MS4A14: variants seen among roughly 807,000 people sequenced by gnomAD.
MS4A14 encodes the protein membrane-spanning 4-domains subfamily A member 14.
MS4A14 carries 18 observed loss-of-function variants against 16.7 expected under a neutral mutation model. That is an observed-to-expected ratio of 1.08 (90% CI 0.75 to 1.60). The LOEUF (loss-of-function observed/expected upper bound fraction) is 1.60, where lower values mean the gene tolerates loss of function less well. Among genes scored for constraint, MS4A14 ranks in the 40% most tolerant of loss-of-function variants. The probability of loss-of-function intolerance (pLI) is 0.00; values close to 1 mark genes in which losing one functional copy is unlikely to be tolerated. For missense variants in MS4A14, 812 were observed against 775.3 expected, an observed-to-expected ratio of 1.05 and a Z score of -0.56; for synonymous variants, 305 against 289.4, an observed-to-expected ratio of 1.05 and a Z score of -0.55.
chr11:60,403,708 T>C (rs1205251201), intron 4 of MS4A14, among the ~76,000 whole-genome samples: 11 of 152,200 alleles, frequency 7.2e-5, no homozygotes, highest in Admixed American at 7.2e-4. Context: ...TTTTTAAGCA[T>C]GTCAGTGACT....
chr11:60,404,469 T>C (rs2085758804), intron 4 of MS4A14: 3 of 443,998 alleles, frequency 6.8e-6, no homozygotes, highest in Middle Eastern at 3.4e-4. Flanking sequence ...AAACGTATGA[T>C]GATTAAGACC....
At chr11:60,409,624 T>C (rs1401900847) in intron 4 of MS4A14, among the ~76,000 whole-genome samples, 1 of 150,770 alleles carries the variant, frequency 6.6e-6, no homozygotes, top group African/African-American at 2.4e-5. Flanking sequence ...TATGTGTAGA[T>C]AGGCATTTAG....
rs1304441515 is a variant in MS4A14 at position 60,416,640 on chromosome 11, A to G, written c.1672A>G (p.Lys558Glu). The G allele has an allele frequency of 5.6e-6, 9 of 1,613,762 alleles. No individual in the cohort carries two copies. The highest frequency in any genetic ancestry group is 1.7e-5 in the Admixed American group (1 of 59,904). Residue 558 changes from lysine (K) to glutamate (E), a missense_variant, in exon 5 of 5, where the codon AAA (lysine) becomes GAA (glutamate). Lys to Glu is a moderately conservative substitution (Grantham distance 56). Transcript: ENST00000300187. ...TAAGCAAGCTCAACTTAATCAAACT[A>G]AAGAGCAACTCCCAGATCAGCAAGC... Reference protein sequence around the residue: ...VDKQAQLNQTKEQLPDQQAED... With the variant: ...VDKQAQLNQTEEQLPDQQAED...
intron 1 of MS4A14, 96 bp downstream of exon 1, chr11:60,396,812 G>C: frequency 7.7e-7 from 1 of 1,290,604 alleles, no homozygotes; most frequent in South Asian, 1.6e-5. Context: ...TTATTTTCAG[G>C]GAGGGAGTTA....
chr11:60,406,394 G>A (rs2085786632), intron 4 of MS4A14, among the ~76,000 whole-genome samples: 1 of 152,170 alleles, frequency 6.6e-6, no homozygotes, highest in Admixed American at 6.5e-5. Context: ...ATACTACATA[G>A]TATTTATAAT....
chr11:60,416,739 A>G lies in MS4A14; in HGVS notation c.1771A>G (p.Thr591Ala). 1 of 1,613,694 alleles carries G rather than the reference A, an allele frequency of 6.2e-7. No individual in the cohort carries two copies. The highest frequency in any genetic ancestry group is 1.1e-5 in the South Asian group (1 of 91,064). ...SKDGQVKDQQ[T>A]DKEQNSKKQT... Reference sequence around the variant, plus strand: ...AGATGGACAAGTTAAAGACCAGCAGACTGATAAGGAGCAAAACTCAAAGAA... The same window carrying G: ...AGATGGACAAGTTAAAGACCAGCAGGCTGATAAGGAGCAAAACTCAAAGAA... The change falls in exon 5 of 5, where the codon ACT becomes GCT. Residue 591 changes from threonine to alanine, a missense_variant. Physicochemically the swap from Thr to Ala is moderately conservative, Grantham distance 58 (BLOSUM62 0). Transcript: ENST00000300187.
At position 60,416,208 on chromosome 11, in the gene MS4A14, G is replaced by A. The variant is rs2085940605; in HGVS notation, c.1240G>A (p.Ala414Thr). 6.2e-7 allele frequency: 1 copy of A among 1,613,828 alleles called. No homozygotes were observed. Among genetic ancestry groups the A allele is most frequent in the Non-Finnish European group, 8.5e-7 (1 of 1,179,936 alleles). Residue 414 changes from alanine (A) to threonine (T), a missense_variant, in exon 5 of 5, where the codon GCC (alanine) becomes ACC (threonine). Coordinates refer to ENST00000300187, the MANE Select transcript of MS4A14 (RefSeq NM_032597.5). The part of the protein sequence containing the change: ...DMLSQALSAH[A>T]ILPEASTSHI... ...GCTATCCCAAGCTCTATCAGCGCAT[G>A]CCATATTACCTGAAGCCTCAACATC...
At chr11:60,398,198 T>A in intron 2 of MS4A14, 9 of 417,042 alleles carry the variant, frequency 2.2e-5, no homozygotes. Flanking sequence ...TCCAAAGCCC[T>A]TGTGTGTATA....
rs144301602 is a variant in MS4A14 at position 60,416,148 on chromosome 11, G to A, written c.1180G>A (p.Ala394Thr). The change falls in exon 5 of 5, where the codon GCC (alanine) becomes ACC (threonine). Residue 394 changes from alanine (A) to threonine (T), a missense_variant. Ala to Thr is a moderately conservative substitution (Grantham distance 58). Coordinates refer to ENST00000300187, the MANE Select transcript of MS4A14 (RefSeq NM_032597.5). ...DMLSQDTPSH[A>T]MPPQDIPSQD... ...GCTATCTCAAGACACACCATCCCAC[G>A]CCATGCCACCTCAAGACATACCTTC... The A allele has an allele frequency of 3.5e-4, 565 of 1,612,018 alleles. 4 individuals are homozygous for A. The South Asian group carries it at 5.2e-3, about 15-fold the overall frequency.
At chr11:60,408,969 A>C (rs919903598) in intron 4 of MS4A14, among the ~76,000 whole-genome samples, 6 of 151,958 alleles carry the variant, frequency 3.9e-5, no homozygotes, top group African/African-American at 1.4e-4. Flanking sequence ...ATACCAACCA[A>C]CAGGGGAAAA....
At chr11:60,410,537 T>A (rs2085853259) in intron 4 of MS4A14, among the ~76,000 whole-genome samples, 1 of 152,222 alleles carries the variant, frequency 6.6e-6, no homozygotes, top group Non-Finnish European at 1.5e-5. Context: ...CATGAAGATA[T>A]CTTCCAACTT....
Position 60,416,325 on chromosome 11 carries a change from T to C in MS4A14, c.1357T>C (p.Leu453=). ...CACTGAACCTCAAAACCAGCAAATT[T>C]TACAAATGTCATATCAAGATATTAG... ...ENTEPQNQQI[L]QMSYQDIRSE... Residue 453 remains leucine (L), a synonymous_variant, in exon 5 of 5, where the codon TTA becomes CTA. Coordinates refer to ENST00000300187, the MANE Select transcript of MS4A14 (RefSeq NM_032597.5). 6.2e-7 allele frequency: 1 copy of C among 1,613,906 alleles called. No individual in the cohort carries two copies. The highest frequency in any genetic ancestry group is 8.5e-7 in the Non-Finnish European group (1 of 1,179,956).
chr11:60,397,800 C>T, intron 1 of MS4A14, 52 bp from the exon 2 acceptor site: 6 of 1,592,792 alleles, frequency 3.8e-6, no homozygotes, highest in Non-Finnish European at 5.1e-6. Context: ...GTGGGGTAGC[C>T]CACAGGGTCT....
intron 1 of MS4A14, 146 bp from the exon 2 acceptor site, chr11:60,397,706 A>G: frequency 1.4e-6 from 1 of 710,012 alleles, no homozygotes. Flanking sequence ...GAGTCTCTTA[A>G]CAATCTGAGA....
rs1359476023 is a variant in MS4A14, at chr11:60,415,947, G to T, written c.979G>T (p.Val327Leu). 1 of 1,613,960 alleles carries T rather than the reference G, an allele frequency of 6.2e-7. No homozygotes were observed. Among genetic ancestry groups the T allele is most frequent in the Non-Finnish European group, 8.5e-7 (1 of 1,179,932 alleles). ...PEDLPSQALP[V>L]EGLSEQTMPS... ...AGACTTGCCATCCCAAGCTCTACCA[G>T]TAGAAGGCCTGTCAGAACAAACCAT... The change falls in exon 5 of 5, where the codon GTA (valine) becomes TTA (leucine). Residue 327 changes from valine (V) to leucine (L), a missense_variant. By Grantham distance (32) the Val-to-Leu change is conservative. Coordinates refer to ENST00000300187, the MANE Select transcript of MS4A14 (RefSeq NM_032597.5).
intron 3 of MS4A14, among the ~76,000 whole-genome samples, chr11:60,401,691 G>T (rs1385817216): frequency 6.6e-6 from 1 of 152,166 alleles, no homozygotes; most frequent in Non-Finnish European, 1.5e-5. Context: ...AAGAGACTAG[G>T]CTGGGCATGT....
intron 4 of MS4A14, among the ~76,000 whole-genome samples, chr11:60,411,089 A>G (rs1354309992): frequency 1.3e-5 from 2 of 151,650 alleles, no homozygotes; most frequent in African/African-American, 2.4e-5. Flanking sequence ...CAGGTGATCC[A>G]CCCGCCTCGG....
chr11:60,415,513 T>A lies in MS4A14; in HGVS notation c.545T>A (p.Phe182Tyr). The change falls in exon 5 of 5, where the codon TTT becomes TAT. Residue 182 changes from phenylalanine to tyrosine, a missense_variant. By Grantham distance (22) the Phe-to-Tyr change is conservative. Coordinates refer to ENST00000300187, the MANE Select transcript of MS4A14 (RefSeq NM_032597.5). The part of the protein sequence containing the change: ...PAPEENDQLQ[F>Y]VLQEEFSSDD... ...CCAGAAGAAAATGATCAATTACAAT[T>A]TGTGCTTCAAGAAGAGTTTTCCAGT... 1 of 1,613,678 alleles carries A rather than the reference T, an allele frequency of 6.2e-7. No individual in the cohort carries two copies. Among genetic ancestry groups the A allele is most frequent in the Middle Eastern group, 1.7e-4 (1 of 6,060 alleles).
At chr11:60,406,866 T>C (rs1176441376) in intron 4 of MS4A14, among the ~76,000 whole-genome samples, 1 of 152,164 alleles carries the variant, frequency 6.6e-6, no homozygotes, top group Non-Finnish European at 1.5e-5. Flanking sequence ...CATGGAATCA[T>C]AAGTAAGTAC....
Sources: allele counts gnomAD v4.1 joint callset (sites outside exome capture counted in the v4.1 genomes callset), GRCh38; gene constraint gnomAD v4.1.1; transcripts MANE v1.5; gene names NCBI Gene and HGNC (gene_info 2026-07-23, HGNC 2026-07-21).